Variants in HCFC2 observed in about 807,000 individuals in gnomAD.
The protein encoded by HCFC2 is host cell factor 2.
In HCFC2, 18 loss-of-function variants were observed where a neutral mutation model predicts 89.2. The observed-to-expected ratio is 0.20, with a 90% CI of 0.14 to 0.30. HCFC2 has a LOEUF of 0.30. Among genes scored for constraint, HCFC2 ranks in the 10% least tolerant of loss-of-function variants. The pLI is 1.00. For missense variants in HCFC2, 578 were observed against 956.1 expected, an observed-to-expected ratio of 0.60 and a Z score of 5.21; for synonymous variants, 308 against 335.7, an observed-to-expected ratio of 0.92 and a Z score of 0.90.
chr12:104,101,974 A>G lies in HCFC2; in HGVS notation c.1885A>G (p.Asn629Asp). ...TGCATATACTACATTTTAGGTAGGA[A>G]ATGCAGATGTACCTGACTACAGCTT... The part of the protein sequence containing the change: ...KGKQSISKVG[N>D]ADVPDYSLLK... Residue 629 changes from asparagine to aspartate, a missense_variant, in exon 14 of 15, where the codon AAT becomes GAT. Physicochemically the swap from Asn to Asp is conservative, Grantham distance 23. This residue lies in a region of HCFC2 where 140 missense variants were observed against 266.4 expected (regional missense o/e 0.53). Transcript: ENST00000229330. 1 of 1,588,802 alleles carries G rather than the reference A, an allele frequency of 6.3e-7. No homozygotes were observed. The highest frequency in any genetic ancestry group is 8.6e-7 in the Non-Finnish European group (1 of 1,165,320).
Position 104,104,039 on chromosome 12 carries a change from C to T in HCFC2, c.*766C>T, listed in dbSNP as rs1217787859. ...AGTTTATCTTTTAGGTCCCTTTCAG[C>T]ACTAAGGTTTTGTGTTTTTAGTAGA... On this transcript the variant is annotated 3_prime_UTR_variant, in exon 15 of 15. Coordinates refer to ENST00000229330, the MANE Select transcript of HCFC2 (RefSeq NM_013320.3). 6.6e-6 allele frequency: 1 copy of T among 152,012 alleles called. No individual in the cohort carries two copies. The highest frequency in any genetic ancestry group is 1.5e-5 in the Non-Finnish European group (1 of 67,912). The allele number at this position is 152,012 out of a possible 1,614,324, so 9.4% of individuals were successfully genotyped here. A position where few individuals can be genotyped will look rare whatever the true frequency, so the allele number is the denominator to read the frequency against.
chr12:104,085,928 TTTC>T (rs1350480174), intron 7 of HCFC2, among the ~76,000 whole-genome samples: 1 of 152,102 alleles, frequency 6.6e-6, no homozygotes, highest in Non-Finnish European at 1.5e-5. Flanking sequence ...GTATTTTTTT[TTTC>T]ATTTAGGCAA....
At chr12:104,070,828 G>C (rs1280018031) in intron 3 of HCFC2, among the ~76,000 whole-genome samples, 1 of 132,750 alleles carries the variant, frequency 7.5e-6, no homozygotes, top group African/African-American at 2.8e-5. Context: ...TTTTTGAGAC[G>C]GAGTCTCACT....
intron 3 of HCFC2, among the ~76,000 whole-genome samples, chr12:104,075,447 TG>T (rs1258258313): frequency 6.9e-6 from 1 of 144,374 alleles, no homozygotes; most frequent in Non-Finnish European, 1.5e-5. Flanking sequence ...TTTCAACTTT[TG>T]TTCCTAACCT....
At chr12:104,086,740 G>A in intron 7 of HCFC2, 107 bp from the exon 8 acceptor site, 2 of 891,532 alleles carry the variant, frequency 2.2e-6, no homozygotes, top group Non-Finnish European at 3.4e-6. Context: ...GTAAGCAGAT[G>A]AAATGTTCAT....
chr12:104,076,479 A>G, intron 3 of HCFC2, among the ~76,000 whole-genome samples: 1 of 152,366 alleles, frequency 6.6e-6, no homozygotes, highest in Non-Finnish European at 1.5e-5. Flanking sequence ...ACTGGATAGC[A>G]TACTGGCTGA....
rs1026986412 is a variant in HCFC2 at position 104,068,463 on chromosome 12, G to A, written c.473+356G>A. ...AAATGATAATGAAAAGTAACAGATGGTTATTTTAAAATTAGATTTCTCTGG... is the reference window on the plus strand; with the variant it reads ...AAATGATAATGAAAAGTAACAGATGATTATTTTAAAATTAGATTTCTCTGG... On this transcript the variant is annotated intron_variant, in intron 3 of 14. Transcript: ENST00000229330. This position sits in a 1 kb window ranked among gnomAD's most constrained non-coding sequence, Gnocchi z 4.1. Among the ~76,000 whole-genome samples the A allele has an allele frequency of 6.6e-6, 1 of 152,098 alleles. No individual in the cohort carries two copies. The highest frequency in any genetic ancestry group is 2.4e-5 in the African/African-American group (1 of 41,432).
chr12:104,072,257 A>G (rs1052027664), intron 3 of HCFC2, among the ~76,000 whole-genome samples: 5 of 152,096 alleles, frequency 3.3e-5, no homozygotes, highest in Non-Finnish European at 7.4e-5. Context: ...CTGTGGTCCC[A>G]TCTACATGGG....
intron 13 of HCFC2, among the ~76,000 whole-genome samples, chr12:104,099,403 A>C (rs17193219): frequency 0.055 from 8,384 of 152,202 alleles, 263 homozygotes; most frequent in South Asian, 0.11. Flanking sequence ...ATTCTGTGTT[A>C]AGGCCCTTTG....
chr12:104,084,433 C>T (rs1338712337), intron 7 of HCFC2, among the ~76,000 whole-genome samples: 1 of 151,960 alleles, frequency 6.6e-6, no homozygotes, highest in Non-Finnish European at 1.5e-5. Context: ...GAAACCACTG[C>T]AGGAGGAGGG....
intron 3 of HCFC2, among the ~76,000 whole-genome samples, chr12:104,078,400 T>G (rs1422441795): frequency 6.6e-6 from 1 of 152,230 alleles, no homozygotes; most frequent in African/African-American, 2.4e-5. Flanking sequence ...AAGTTTTATA[T>G]GTCCTGAAAT....
Position 104,082,593 on chromosome 12 carries a change from T to C in HCFC2, c.861T>C (p.Ser287=). Reference sequence around the variant, plus strand: ...AATGGAGATGTACCAGTTCATTTTCTTACCTAAATCTGGGTGAGTCTTTTA... The same window carrying C: ...AATGGAGATGTACCAGTTCATTTTCCTACCTAAATCTGGGTGAGTCTTTTA... ...DCEWRCTSSF[S]YLNLDTTEWT... The change falls in exon 6 of 15, where the codon TCT becomes TCC. Residue 287 remains serine (S), a synonymous_variant. Coordinates refer to ENST00000229330, the MANE Select transcript of HCFC2 (RefSeq NM_013320.3). The C allele has an allele frequency of 6.2e-7, 1 of 1,611,330 alleles. No individual in the cohort carries two copies.
rs1883021138 is a variant in HCFC2, at chr12:104,064,923, TGGGGCGCAACGGACCCCGAGC to T, written c.163+209_163+229del. On this transcript the variant is annotated intron_variant, in intron 1 of 14. Transcript: ENST00000229330. This position sits in a 1 kb window ranked among gnomAD's most constrained non-coding sequence, Gnocchi z 7.3. ...CGCAGCTCAGGATCTCCGGGGCCCT[TGGGGCGCAACGGACCCCGAGC>T]GGGGCGCACCGGCCTTCAGGCGGGG... 2 of 422,324 alleles carry T rather than the reference TGGGGCGCAACGGACCCCGAGC, an allele frequency of 4.7e-6. No individual in the cohort carries two copies. Among genetic ancestry groups the T allele is most frequent in the Non-Finnish European group, 8.1e-6 (2 of 246,648 alleles). The allele number at this position is 422,324 out of a possible 1,614,324, so 26.2% of individuals were successfully genotyped here.
intron 9 of HCFC2, among the ~76,000 whole-genome samples, chr12:104,089,875 AAAATTAT>A (rs1198003142): frequency 6.6e-6 from 1 of 152,192 alleles, no homozygotes; most frequent in Non-Finnish European, 1.5e-5. Flanking sequence ...AATTTTCTAA[AAAATTAT>A]AAAACTTAAG....
chr12:104,080,878 C>A, intron 5 of HCFC2, 48 bp downstream of exon 5: 1 of 1,189,256 alleles, frequency 8.4e-7, no homozygotes, highest in Non-Finnish European at 1.2e-6. Context: ...AAAAAAACAA[C>A]TTAAGAAGCA....
At chr12:104,083,621 G>A (rs1883747770) in intron 7 of HCFC2, among the ~76,000 whole-genome samples, 1 of 152,164 alleles carries the variant, frequency 6.6e-6, no homozygotes, top group African/African-American at 2.4e-5. Context: ...GGTAATATTA[G>A]GGGAAGCTGG....
intron 7 of HCFC2, among the ~76,000 whole-genome samples, chr12:104,084,791 C>G (rs573858297): frequency 6.6e-6 from 1 of 152,196 alleles, no homozygotes. Context: ...GAGGGGAGGA[C>G]TGGATAAATT....
intron 2 of HCFC2, among the ~76,000 whole-genome samples, 185 bp from the exon 3 acceptor site, chr12:104,067,762 C>G (rs73390482): frequency 0.022 from 3,287 of 152,238 alleles, 120 homozygotes; most frequent in African/African-American, 0.075. Flanking sequence ...ACTTGAATGT[C>G]TACTGGAACA....
Position 104,087,002 on chromosome 12 carries a change from C to G in HCFC2, c.1219C>G (p.Pro407Ala). The change falls in exon 8 of 15, where the codon CCA (proline) becomes GCA (alanine). Residue 407 changes from proline (P) to alanine (A), a missense_variant. Physicochemically the swap from Pro to Ala is conservative, Grantham distance 27. Coordinates refer to ENST00000229330, the MANE Select transcript of HCFC2 (RefSeq NM_013320.3). ...TGCATCATCAGATTCTTCAGCAGCA[C>G]CAAATATGCAAGGTAACATAATTTT... The part of the protein sequence containing the change: ...QAASSDSSAA[P>A]NMQGVRMDPH... 1 of 1,613,592 alleles carries G rather than the reference C, an allele frequency of 6.2e-7. No individual in the cohort carries two copies. Among genetic ancestry groups the G allele is most frequent in the Non-Finnish European group, 8.5e-7 (1 of 1,179,666 alleles).
Sources: allele counts gnomAD v4.1 joint callset (sites outside exome capture counted in the v4.1 genomes callset), GRCh38; gene constraint gnomAD v4.1.1; regional missense constraint gnomAD v4.1.1; non-coding constraint Gnocchi (gnomAD v3.1); transcripts MANE v1.5; gene names NCBI Gene and HGNC (gene_info 2026-07-23, HGNC 2026-07-21).